USP37: variants seen among roughly 807,000 people sequenced by gnomAD.
The protein encoded by USP37 is ubiquitin carboxyl-terminal hydrolase 37.
Under a neutral mutation model 124.0 loss-of-function variants are expected in USP37, and 27 were observed. The observed-to-expected ratio is 0.22, with a 90% CI of 0.16 to 0.30. The LOEUF is 0.30. Ranked by LOEUF, USP37 falls within the 10% of genes least tolerant of loss-of-function variation. The pLI, the probability that USP37 is intolerant of heterozygous loss-of-function variation, is 1.00. For missense variants in USP37, 889 were observed against 1,140.4 expected, an observed-to-expected ratio of 0.78 and a Z score of 3.17; for synonymous variants, 365 against 388.0, an observed-to-expected ratio of 0.94 and a Z score of 0.70.
intron 11 of USP37, among the ~76,000 whole-genome samples, chr2:218,501,709 C>T (rs569678251): frequency 3.2e-4 from 48 of 152,008 alleles, no homozygotes; most frequent in Non-Finnish European, 6.3e-4. Context: ...GAAATGAGTT[C>T]GAAAAGCTGA....
At position 218,520,407 on chromosome 2, in the gene USP37, C is replaced by T. The variant is rs143581448; in HGVS notation, c.863+9549G>A. ...TCTTGTTGCCCAGGCTGGAGTGCAA[C>T]GGAGCGAACTTGGCTCACTGCAACC... is the stretch of plus-strand genomic sequence containing the variant. On this transcript the variant is annotated intron_variant, in intron 10 of 25. Transcript: ENST00000258399. Among the ~76,000 whole-genome samples, 36 of 140,060 alleles carry T rather than the reference C, an allele frequency of 2.6e-4. No individual in the cohort carries two copies. In the East Asian group the frequency reaches 6.1e-3, roughly 24 times the overall value. The allele number at this position is 140,060 out of a possible 152,430, so 91.9% of individuals were successfully genotyped here. A position where few individuals can be genotyped will look rare whatever the true frequency, so the allele number is the denominator to read the frequency against.
intron 9 of USP37, among the ~76,000 whole-genome samples, chr2:218,532,964 T>A (rs929624767): frequency 6.6e-6 from 1 of 151,892 alleles, no homozygotes; most frequent in African/African-American, 2.4e-5. Context: ...ATTTTTTTTT[T>A]AGACATAATG....
At chr2:218,556,503 GTTTTTT>G (rs34907421) in intron 4 of USP37, among the ~76,000 whole-genome samples, 1 of 53,806 alleles carries the variant, frequency 1.9e-5, no homozygotes, top group Non-Finnish European at 3.6e-5. Flanking sequence ...GGGTTTTTCT[GTTTTTT>G]TTTTTTTTTT....
intron 8 of USP37, among the ~76,000 whole-genome samples, chr2:218,544,271 A>G (rs116266054): frequency 0.022 from 3,287 of 149,996 alleles, 123 homozygotes; most frequent in African/African-American, 0.074. Context: ...TCCAAGCTAC[A>G]TGGGAGGCTG....
intron 16 of USP37, among the ~76,000 whole-genome samples, chr2:218,485,033 C>T (rs540436505): frequency 2.4e-4 from 36 of 152,182 alleles, no homozygotes; most frequent in African/African-American, 8.7e-4. Flanking sequence ...AAGGAACGCA[C>T]AAACTGCAAA....
chr2:218,457,706 C>G (rs1689767281), intron 23 of USP37, among the ~76,000 whole-genome samples: 1 of 151,788 alleles, frequency 6.6e-6, no homozygotes, highest in Admixed American at 6.6e-5. Flanking sequence ...TAAAGCAAAA[C>G]TGAAAAAGTG....
intron 17 of USP37, among the ~76,000 whole-genome samples, chr2:218,480,665 A>T (rs1691223827): frequency 6.6e-6 from 1 of 152,234 alleles, no homozygotes; most frequent in Non-Finnish European, 1.5e-5. Flanking sequence ...TAATGTTCAC[A>T]ACCATCCTAT....
chr2:218,484,599 G>A (rs1242650576), intron 16 of USP37, among the ~76,000 whole-genome samples: 1 of 151,598 alleles, frequency 6.6e-6, no homozygotes, highest in East Asian at 1.9e-4. Context: ...TCTAGCCTGG[G>A]GGACAGAGCA....
intron 8 of USP37, among the ~76,000 whole-genome samples, chr2:218,543,474 C>G (rs1232099430): frequency 8.2e-6 from 1 of 122,046 alleles, no homozygotes; most frequent in Admixed American, 1.1e-4. Flanking sequence ...TGCACTCTAG[C>G]CTGGGCGACA....
chr2:218,521,672 A>T (rs1690628916), intron 10 of USP37, among the ~76,000 whole-genome samples: 2 of 152,144 alleles, frequency 1.3e-5, no homozygotes, highest in Admixed American at 1.3e-4. Context: ...ACATGAACTC[A>T]TTCTTTTTTA....
At chr2:218,526,562 A>C (rs1690976804) in intron 10 of USP37, among the ~76,000 whole-genome samples, 1 of 152,104 alleles carries the variant, frequency 6.6e-6, no homozygotes, top group Non-Finnish European at 1.5e-5. Context: ...CTTTTTCTCC[A>C]CAACTTCACC....
At chr2:218,523,171 G>A (rs1463739159) in intron 10 of USP37, among the ~76,000 whole-genome samples, 2 of 152,154 alleles carry the variant, frequency 1.3e-5, no homozygotes, top group African/African-American at 2.4e-5. Flanking sequence ...GCTGAGGCAG[G>A]AGAATCGCTT....
intron 16 of USP37, among the ~76,000 whole-genome samples, chr2:218,483,150 C>T (rs1044992036): frequency 3.3e-5 from 5 of 152,034 alleles, no homozygotes; most frequent in Admixed American, 6.6e-5. Flanking sequence ...TGAGAGAATA[C>T]AAGGACACAA....
intron 11 of USP37, among the ~76,000 whole-genome samples, chr2:218,503,502 G>A (rs1471760049): frequency 6.6e-6 from 1 of 152,156 alleles, no homozygotes; most frequent in Non-Finnish European, 1.5e-5. Context: ...GATCACCTGA[G>A]GTCAGGAGTT....
chr2:218,492,108 G>A (rs1267770375), intron 14 of USP37, among the ~76,000 whole-genome samples: 1 of 152,164 alleles, frequency 6.6e-6, no homozygotes, highest in Admixed American at 6.5e-5. Context: ...GGCTGCGGCG[G>A]GAGGATTGCT....
chr2:218,486,659 G>A (rs1691580639), intron 15 of USP37, among the ~76,000 whole-genome samples: 1 of 121,520 alleles, frequency 8.2e-6, no homozygotes, highest in Admixed American at 8.4e-5. Flanking sequence ...CTGACTTCAG[G>A]TGATTGGCCT....
chr2:218,557,727 G>C (rs1374318428), intron 4 of USP37, among the ~76,000 whole-genome samples: 1 of 143,868 alleles, frequency 7.0e-6, no homozygotes, highest in Non-Finnish European at 1.5e-5. Flanking sequence ...AGGAGTTCAA[G>C]ACCAGCCTGA....
chr2:218,459,993 G>A lies in USP37; in HGVS notation c.2528-88C>T, dbSNP rs1574833969. 7.8e-6 allele frequency: 7 copies of A among 896,070 alleles called. No homozygotes were observed. In the East Asian group the frequency reaches 8.6e-5, roughly 11 times the overall value. 55.5% of individuals were successfully genotyped at this position (896,070 alleles called of 1,614,324 possible). The stretch of plus-strand genomic sequence containing the variant: ...CACCTGTAATCCCAACACTTTGGGA[G>A]GCCGAGACAGGTGGATCACCTGAGG... On this transcript the variant is annotated intron_variant, in intron 22 of 25. Coordinates refer to ENST00000258399, the MANE Select transcript of USP37 (RefSeq NM_020935.3).
At chr2:218,515,464 T>C (rs1456142637) in intron 10 of USP37, among the ~76,000 whole-genome samples, 1 of 152,234 alleles carries the variant, frequency 6.6e-6, no homozygotes, top group Non-Finnish European at 1.5e-5. Context: ...CCCTATTTAA[T>C]AAATGGTGCT....
Sources: allele counts gnomAD v4.1 joint callset (sites outside exome capture counted in the v4.1 genomes callset), GRCh38; gene constraint gnomAD v4.1.1; transcripts MANE v1.5; gene names NCBI Gene and HGNC (gene_info 2026-07-23, HGNC 2026-07-21).